The following CD70 variants were observed in gnomAD, a reference collection of about 807,000 sequenced individuals.
CD70 encodes the protein CD70 molecule, also known as CD70 antigen.
CD70 carries 6 observed loss-of-function variants against 9.0 expected under a neutral mutation model. The observed-to-expected ratio is 0.67, with a 90% CI of 0.37 to 1.32. CD70 has a LOEUF of 1.32. Among genes scored for constraint, CD70 ranks in the 40% most tolerant of loss-of-function variants. The pLI is 0.02. For missense variants in CD70, 235 were observed against 258.7 expected, an observed-to-expected ratio of 0.91 and a Z score of 0.63; for synonymous variants, 108 against 112.3, an observed-to-expected ratio of 0.96 and a Z score of 0.24.
intron 2 of CD70, among the ~76,000 whole-genome samples, chr19:6,587,106 G>C (rs532530366): frequency 2.2e-4 from 33 of 151,462 alleles, no homozygotes; most frequent in Non-Finnish European, 1.5e-4. Context: ...GAGAGAGCTT[G>C]AGGGAGAGTG....
In CD70 at chr19:6,590,179, G is replaced by A. The variant is rs1445919363; in HGVS notation, c.163-43C>T. Reference sequence around the variant, plus strand: ...AAAACAGGGCACGGACGTAAGCAGAGAGGTTCTATGTGTCCCCTGTGCCAG... The same window carrying A: ...AAAACAGGGCACGGACGTAAGCAGAAAGGTTCTATGTGTCCCCTGTGCCAG... On this transcript the variant is annotated intron_variant, in intron 1 of 2. Coordinates refer to ENST00000245903, the MANE Select transcript of CD70 (RefSeq NM_001252.5). This position sits in a 1 kb window ranked among gnomAD's most constrained non-coding sequence, Gnocchi z 5.3. The A allele has an allele frequency of 3.2e-6, 5 of 1,558,106 alleles. No individual in the cohort carries two copies. Among genetic ancestry groups the A allele is most frequent in the Non-Finnish European group, 4.4e-6 (5 of 1,129,054 alleles).
chr19:6,587,119 C>T (rs552664696), intron 2 of CD70, among the ~76,000 whole-genome samples: 110 of 140,890 alleles, frequency 7.8e-4, no homozygotes, highest in African/African-American at 2.9e-3. Flanking sequence ...GGAGAGTGCA[C>T]GAGAGAGTGC....
downstream of CD70, chr19:6,583,570 T>C (rs1459391313): frequency 2.5e-6 from 1 of 402,876 alleles, no homozygotes; most frequent in Non-Finnish European, 4.3e-6. Context: ...TTTTTTTTTT[T>C]TTTTTTTAAA....
At position 6,586,237 on chromosome 19, in the gene CD70, C is replaced by T. The variant is rs1916014249; in HGVS notation, c.365G>A (p.Arg122Lys). ...CACGGCCAGGGTGGTGGGGTGGTGC[C>T]TGGAGGCCGTCGTGGAGGAGCAGAT... is the stretch of plus-strand genomic sequence containing the variant. ...LAICSSTTAS[R>K]HHPTTLAVGI... The change falls in exon 3 of 3, where the codon AGG (arginine) becomes AAG (lysine). Residue 122 changes from arginine to lysine, a missense_variant. Coordinates refer to ENST00000245903, the MANE Select transcript of CD70 (RefSeq NM_001252.5). 6.2e-7 allele frequency: 1 copy of T among 1,613,902 alleles called. No homozygotes were observed. The highest frequency in any genetic ancestry group is 1.3e-5 in the African/African-American group (1 of 74,896).
intron 2 of CD70, among the ~76,000 whole-genome samples, chr19:6,589,353 TTTCC>T (rs1401751697): frequency 6.6e-6 from 1 of 150,504 alleles, no homozygotes. Context: ...TTCTCTTTCT[TTTCC>T]TTCCTTCCTT....
At chr19:6,588,252 AAGAG>A (rs1916072864) in intron 2 of CD70, among the ~76,000 whole-genome samples, 1 of 152,190 alleles carries the variant, frequency 6.6e-6, no homozygotes, top group South Asian at 2.1e-4. Flanking sequence ...CACCAGAAGA[AAGAG>A]CTGTCCTGTG....
At chr19:6,587,833 C>G (rs1033690836) in intron 2 of CD70, among the ~76,000 whole-genome samples, 1 of 152,132 alleles carries the variant, frequency 6.6e-6, no homozygotes, top group African/African-American at 2.4e-5. Context: ...CTCAGCCTCC[C>G]GAGTCACTGG....
chr19:6,588,163 A>G (rs1387579992), intron 2 of CD70, among the ~76,000 whole-genome samples: 1 of 152,196 alleles, frequency 6.6e-6, no homozygotes, highest in Non-Finnish European at 1.5e-5. Flanking sequence ...AGGAGCCCCA[A>G]GGGTGTTTAC....
chr19:6,585,174 G>A (rs536325982), downstream of CD70, among the ~76,000 whole-genome samples: 1 of 151,356 alleles, frequency 6.6e-6, no homozygotes, highest in Admixed American at 6.6e-5. Flanking sequence ...TTTAGTAGAC[G>A]GAGTTTTACA....
intron 2 of CD70, among the ~76,000 whole-genome samples, chr19:6,587,376 A>G (rs555137192): frequency 6.6e-6 from 1 of 151,432 alleles, no homozygotes; most frequent in Admixed American, 6.6e-5. Context: ...GAGAGAGTGC[A>G]CGAGACAGAG....
At chr19:6,587,150 G>A (rs1916040667) in intron 2 of CD70, among the ~76,000 whole-genome samples, 1 of 150,830 alleles carries the variant, frequency 6.6e-6, no homozygotes, top group East Asian at 2.0e-4. Flanking sequence ...GAGAGAGCAG[G>A]AGAGAGTGCA....
downstream of CD70, chr19:6,583,261 T>C: frequency 1.5e-6 from 1 of 647,232 alleles, no homozygotes; most frequent in Non-Finnish European, 2.8e-6. Flanking sequence ...AATACTGAGG[T>C]TCCAGCTGTT....
chr19:6,582,397 G>C (rs1338795471), downstream of CD70, among the ~76,000 whole-genome samples: 1 of 146,932 alleles, frequency 6.8e-6, no homozygotes, highest in Non-Finnish European at 1.5e-5. Context: ...GGGTACATGT[G>C]CACAACGTGC....
Sources: gnomAD v4.1 joint callset for allele counts (sites outside exome capture counted in the v4.1 genomes callset) on GRCh38, gnomAD v4.1.1 for gene constraint, Gnocchi (gnomAD v3.1) non-coding constraint, MANE v1.5 for transcripts, NCBI Gene and HGNC (gene_info 2026-07-23, HGNC 2026-07-21) for gene names.